The following PCF11 variants were observed in gnomAD, a reference collection of about 807,000 sequenced individuals.
The protein encoded by PCF11 is PCF11 cleavage and polyadenylation factor subunit.
In PCF11, 19 loss-of-function variants were observed where a neutral mutation model predicts 166.1. The ratio of observed to expected loss-of-function variants is 0.11; its 90% confidence interval spans 0.08 to 0.17. The LOEUF is 0.17. Among genes scored for constraint, PCF11 ranks in the 10% least tolerant of loss-of-function variants. PCF11 has a pLI of 1.00. For missense variants in PCF11, 1,565 were observed against 1,855.5 expected, an observed-to-expected ratio of 0.84 and a Z score of 2.88; for synonymous variants, 663 against 644.1, an observed-to-expected ratio of 1.03 and a Z score of -0.44.
In PCF11 at chr11:83,167,707, T is replaced by C. The variant is rs773763485; in HGVS notation, c.2092+202T>C. The C allele has an allele frequency of 6.7e-7, 1 of 1,501,394 alleles. No homozygotes were observed. Among genetic ancestry groups the C allele is most frequent in the Non-Finnish European group, 8.9e-7 (1 of 1,125,742 alleles). The allele number at this position is 1,501,394 out of a possible 1,614,324, so 93.0% of individuals were successfully genotyped here. A position where few individuals can be genotyped will look rare whatever the true frequency, so the allele number is the denominator to read the frequency against. On this transcript the variant is annotated intron_variant, in intron 7 of 15. Coordinates refer to ENST00000298281, the Ensembl canonical transcript of PCF11. The surrounding 1 kb of genome is among the most constrained non-coding windows in gnomAD (Gnocchi z 4.2). ...GACTACCCTTTGACTGATGCCTTGT[T>C]GTCTGGAATAGAATGTGAGCCATCC...
Position 83,167,216 on chromosome 11 carries a change from C to G in PCF11, c.1909C>G (p.Pro637Ala). 6.2e-7 allele frequency: 1 copy of G among 1,613,736 alleles called. No homozygotes were observed. Among genetic ancestry groups the G allele is most frequent in the Non-Finnish European group, 8.5e-7 (1 of 1,179,696 alleles). ...TAAAGGAATTTTATCACCTCGAGCCCCAAAGCAGCAACAGCATCGATTAAG... is the reference window on the plus strand; with the variant it reads ...TAAAGGAATTTTATCACCTCGAGCCGCAAAGCAGCAACAGCATCGATTAAG... Residue 637 changes from proline to alanine, a missense_variant, in exon 6 of 16, where the codon CCA (proline) becomes GCA (alanine). Pro to Ala is a conservative substitution (Grantham distance 27). This residue lies in a region of PCF11 where 468 missense variants were observed against 483.4 expected (regional missense o/e 0.97). Transcript: ENST00000298281. This position sits in a 1 kb window ranked among gnomAD's most constrained non-coding sequence, Gnocchi z 4.2.
chr11:83,167,806 G>A lies in PCF11; in HGVS notation c.2092+301G>A, dbSNP rs766674974. The A allele has an allele frequency of 2.2e-5, 30 of 1,355,906 alleles. No individual in the cohort carries two copies. The highest frequency in any genetic ancestry group is 2.0e-4 in the Middle Eastern group (1 of 5,054). The allele number at this position is 1,355,906 out of a possible 1,614,324, so 84.0% of individuals were successfully genotyped here. On this transcript the variant is annotated intron_variant, in intron 7 of 15. Transcript: ENST00000298281. This position sits in a 1 kb window ranked among gnomAD's most constrained non-coding sequence, Gnocchi z 4.2. The stretch of plus-strand genomic sequence containing the variant: ...GAACAATTTAGTGAAAGAGCAAGAC[G>A]TCTTTCTCCTATATCTGGGAGTCGT...
chr11:83,186,339 T>C (rs1484391649), exon 16 of PCF11: 2 of 152,202 alleles, frequency 1.3e-5, no homozygotes, highest in African/African-American at 2.4e-5. Flanking sequence ...TAAAATACTT[T>C]TGTGTTTTCA....
exon 16 of PCF11, chr11:83,185,583 A>G (rs1351391426): frequency 6.6e-6 from 1 of 152,062 alleles, no homozygotes. Context: ...TAACAAATAT[A>G]TTTAAGTACT....
Position 83,184,729 on chromosome 11 carries a change from C to G in PCF11, c.4503C>G (p.Asn1501Lys). The G allele has an allele frequency of 6.2e-7, 1 of 1,611,978 alleles. No individual in the cohort carries two copies. The highest frequency in any genetic ancestry group is 8.5e-7 in the Non-Finnish European group (1 of 1,179,362). ...CTCCCAGCAAGACACCAGTTGAAAACCCCTTGAATATTATGTTGAACATTG... is the reference window on the plus strand; with the variant it reads ...CTCCCAGCAAGACACCAGTTGAAAAGCCCTTGAATATTATGTTGAACATTG... Residue 1501 changes from asparagine to lysine, a missense_variant, in exon 16 of 16, where the codon AAC becomes AAG. By Grantham distance (94) the Asn-to-Lys change is moderately conservative. Transcript: ENST00000298281.
intron 12 of PCF11, 147 bp from the exon 13 acceptor site, chr11:83,181,707 A>T (rs1395218567): frequency 2.2e-6 from 1 of 450,362 alleles, no homozygotes; most frequent in Middle Eastern, 5.6e-4. Context: ...GTCATTAGTT[A>T]TATGTTTCAA....
At chr11:83,157,989 C>G (rs977187698) in intron 1 of PCF11, 2 of 187,586 alleles carry the variant, frequency 1.1e-5, no homozygotes, top group African/African-American at 2.3e-5. Flanking sequence ...ATTTTAATTC[C>G]CTGGGAAGTG....
intron 1 of PCF11, among the ~76,000 whole-genome samples, chr11:83,159,504 A>C (rs537085701): frequency 1.1e-3 from 171 of 152,302 alleles, no homozygotes; most frequent in Non-Finnish European, 1.6e-3. Context: ...CGAAAACTAA[A>C]TGCTGAATAT....
At position 83,169,223 on chromosome 11, in the gene PCF11, C is replaced by T. The variant is rs765706242; in HGVS notation, c.2888C>T (p.Ser963Leu). The T allele has an allele frequency of 4.3e-6, 7 of 1,613,440 alleles. No homozygotes were observed. The South Asian group carries it at 5.5e-5, about 13-fold the overall frequency. Reference sequence around the variant, plus strand: ...AGGTTTGAGGGCCCCCATGGTCAGTCAGTAGCTGGTCTGAGATTTGAGGGA... The same window carrying T: ...AGGTTTGAGGGCCCCCATGGTCAGTTAGTAGCTGGTCTGAGATTTGAGGGA... The change falls in exon 8 of 16, where the codon TCA (serine) becomes TTA (leucine). Residue 963 changes from serine (S) to leucine (L), a missense_variant. Physicochemically the swap from Ser to Leu is moderately radical, Grantham distance 145 (BLOSUM62 -2). Transcript: ENST00000298281.
chr11:83,181,767 C>A, intron 12 of PCF11, 87 bp from the exon 13 acceptor site: 1 of 851,552 alleles, frequency 1.2e-6, no homozygotes, highest in Non-Finnish European at 1.7e-6. Flanking sequence ...TAGTATACCC[C>A]TACCTTTAAA....
chr11:83,182,898 T>C lies in PCF11; in HGVS notation c.4417-140T>C, dbSNP rs548861389. ...ACTCTTTAAGCATAAGGATGAAAAT[T>C]TGGTTTTATCCATTTTGGGACCAAA... is the stretch of plus-strand genomic sequence containing the variant. On this transcript the variant is annotated intron_variant, in intron 14 of 15. Coordinates refer to ENST00000298281, the Ensembl canonical transcript of PCF11. 3.0e-5 allele frequency: 19 copies of C among 641,986 alleles called. No individual in the cohort carries two copies. In the East Asian group the frequency reaches 5.3e-4, roughly 18 times the overall value. 39.8% of individuals were successfully genotyped at this position (641,986 alleles called of 1,614,324 possible). A position where few individuals can be genotyped will look rare whatever the true frequency, so the allele number is the denominator to read the frequency against.
exon 8 of PCF11, chr11:83,168,726 A>C: frequency 1.9e-6 from 3 of 1,613,884 alleles, no homozygotes; most frequent in African/African-American, 1.3e-5. Context: ...CACCAGGACA[A>C]ATGGGGGGAG....
At chr11:83,174,777 G>T (rs1314269042) in intron 9 of PCF11, among the ~76,000 whole-genome samples, 1 of 152,194 alleles carries the variant, frequency 6.6e-6, no homozygotes, top group Non-Finnish European at 1.5e-5. Flanking sequence ...AGTTTATGCT[G>T]TTGGTTACTA....
chr11:83,177,262 T>C (rs1860919091), intron 10 of PCF11, 58 bp downstream of exon 10: 1 of 1,289,276 alleles, frequency 7.8e-7, no homozygotes, highest in Non-Finnish European at 1.1e-6. Flanking sequence ...TTGAGATGTA[T>C]GATGTAATAT....
chr11:83,175,388 C>T (rs1245807730), intron 9 of PCF11, among the ~76,000 whole-genome samples: 3 of 152,184 alleles, frequency 2.0e-5, no homozygotes, highest in Admixed American at 6.5e-5. Context: ...CTGCATCACC[C>T]TCCCAAAGTG....
In PCF11 at chr11:83,167,751, A is replaced by G. The variant is rs1225237561; in HGVS notation, c.2092+246A>G. 1 of 1,451,658 alleles carries G rather than the reference A, an allele frequency of 6.9e-7. No individual in the cohort carries two copies. Among genetic ancestry groups the G allele is most frequent in the African/African-American group, 1.4e-5 (1 of 71,144 alleles). 89.9% of individuals were successfully genotyped at this position (1,451,658 alleles called of 1,614,324 possible). On this transcript the variant is annotated intron_variant, in intron 7 of 15. Coordinates refer to ENST00000298281, the Ensembl canonical transcript of PCF11. The surrounding 1 kb of genome is among the most constrained non-coding windows in gnomAD (Gnocchi z 4.2). Reference sequence around the variant, plus strand: ...GCCATCCAAAAGTAAACATGCAAGTAGGAATAGTGGAGCACAGTTTGACAG... The same window carrying G: ...GCCATCCAAAAGTAAACATGCAAGTGGGAATAGTGGAGCACAGTTTGACAG...
chr11:83,168,048 G>A (rs934887017), intron 7 of PCF11, 150 bp downstream of exon 7: 15 of 566,996 alleles, frequency 2.6e-5, no homozygotes, highest in Non-Finnish European at 2.7e-5. Flanking sequence ...TTAAGGAAAG[G>A]GAAGGGAAGG....
intron 8 of PCF11, 134 bp from the exon 9 acceptor site, chr11:83,171,684 C>T (rs547514670): frequency 6.1e-6 from 4 of 661,086 alleles, no homozygotes; most frequent in Non-Finnish European, 8.1e-6. Context: ...GTGATGCAGC[C>T]AAGTTATCTT....
intron 14 of PCF11, 89 bp from the exon 15 acceptor site, chr11:83,182,949 T>C (rs753697943): frequency 1.1e-4 from 88 of 829,828 alleles, no homozygotes; most frequent in Middle Eastern, 2.2e-4. Flanking sequence ...TTCCAAAGAC[T>C]ATCTTCTGGC....
Sources: gnomAD v4.1 joint callset for allele counts (sites outside exome capture counted in the v4.1 genomes callset) on GRCh38, gnomAD v4.1.1 for gene constraint, gnomAD v4.1.1 regional missense constraint, Gnocchi (gnomAD v3.1) non-coding constraint, MANE v1.5 for transcripts, NCBI Gene and HGNC (gene_info 2026-07-23, HGNC 2026-07-21) for gene names.